Variants in SLC30A6 observed in about 807,000 individuals in gnomAD.
SLC30A6 encodes the protein zinc transporter 6.
SLC30A6 carries 55 observed loss-of-function variants against 63.0 expected under a neutral mutation model. That is an observed-to-expected ratio of 0.87 (90% CI 0.70 to 1.09). The LOEUF is 1.09. Ranked by LOEUF, SLC30A6 falls within the 50% of genes least tolerant of loss-of-function variation. SLC30A6 has a pLI of 0.00. For synonymous variants in SLC30A6, 224 were observed against 186.1 expected (o/e 1.20, Z -1.66); for missense variants, 587 against 549.2 (o/e 1.07, Z -0.69).
chr2:32,178,455 C>T (rs967333946), intron 4 of SLC30A6, among the ~76,000 whole-genome samples: 2 of 152,054 alleles, frequency 1.3e-5, no homozygotes, highest in African/African-American at 4.8e-5. Flanking sequence ...AGGTGGACCA[C>T]CTGAGGTCAA....
chr2:32,210,319 T>G (rs897486670), intron 13 of SLC30A6, among the ~76,000 whole-genome samples: 1 of 152,030 alleles, frequency 6.6e-6, no homozygotes, highest in Non-Finnish European at 1.5e-5. Flanking sequence ...TGAGACCAAC[T>G]TGGCTAACAT....
intron 13 of SLC30A6, among the ~76,000 whole-genome samples, chr2:32,213,180 TACAGG>T (rs1043669142): frequency 2.0e-5 from 3 of 152,110 alleles, no homozygotes; most frequent in Non-Finnish European, 4.4e-5. Flanking sequence ...GTGTTGGGAT[TACAGG>T]CACGAGCCAC....
chr2:32,207,245 T>C (rs1684850939), intron 12 of SLC30A6, among the ~76,000 whole-genome samples: 1 of 152,130 alleles, frequency 6.6e-6, no homozygotes, highest in Admixed American at 6.6e-5. Context: ...ACAGTCTTGC[T>C]CTGTTGCCAG....
At chr2:32,203,447 C>A in intron 10 of SLC30A6, 2 of 1,538,266 alleles carry the variant, frequency 1.3e-6, no homozygotes, top group Non-Finnish European at 1.8e-6. Flanking sequence ...ACCATCAGCT[C>A]AGATACTGAC....
chr2:32,177,483 G>T, intron 4 of SLC30A6: 1 of 248,624 alleles, frequency 4.0e-6, no homozygotes, highest in Non-Finnish European at 8.4e-6. Context: ...TTAGAGACGG[G>T]GTTTCACCAT....
chr2:32,186,415 G>T (rs1357820360), intron 5 of SLC30A6, among the ~76,000 whole-genome samples: 8 of 152,226 alleles, frequency 5.3e-5, no homozygotes, highest in Admixed American at 5.2e-4. Flanking sequence ...GCCTGGTGCG[G>T]TGGCTTACGC....
At chr2:32,201,623 G>A in intron 10 of SLC30A6, 1 of 1,514,574 alleles carries the variant, frequency 6.6e-7, no homozygotes, top group Admixed American at 2.0e-5. Flanking sequence ...TCCTCTGGGG[G>A]TACATTATGG....
intron 10 of SLC30A6, 119 bp from the exon 11 acceptor site, chr2:32,204,471 A>G (rs1391062669): frequency 1.0e-5 from 5 of 484,358 alleles, no homozygotes; most frequent in African/African-American, 5.8e-5. Flanking sequence ...GCCAATTGTG[A>G]TAAAATTGTG....
At chr2:32,179,016 C>T (rs1682049026) in intron 4 of SLC30A6, among the ~76,000 whole-genome samples, 1 of 152,168 alleles carries the variant, frequency 6.6e-6, no homozygotes, top group Non-Finnish European at 1.5e-5. Flanking sequence ...TGTGCCACCA[C>T]ACCTGCCTAA....
chr2:32,194,164 C>T (rs564425779), intron 8 of SLC30A6, among the ~76,000 whole-genome samples, 181 bp downstream of exon 8: 1 of 152,230 alleles, frequency 6.6e-6, no homozygotes, highest in African/African-American at 2.4e-5. Context: ...CTCATTAGTT[C>T]AAGCTTTAAA....
rs1683463824 is a variant in SLC30A6 at position 32,192,923 on chromosome 2, A to G, written c.371A>G (p.Glu124Gly). The change falls in exon 7 of 14, where the codon GAA becomes GGA. Residue 124 changes from glutamate to glycine, a missense_variant. Physicochemically the swap from Glu to Gly is moderately conservative, Grantham distance 98 (BLOSUM62 -2). Coordinates refer to ENST00000282587, the MANE Select transcript of SLC30A6 (RefSeq NM_017964.5). ...GALFILKESA[E>G]RFLEQPEIHT... ...TATATTTTTATTTCTTATAGTGCAG[A>G]ACGCTTTTTGGAACAGCCCGAGATA... 1 of 1,530,368 alleles carries G rather than the reference A, an allele frequency of 6.5e-7. No individual in the cohort carries two copies. 94.8% of individuals were successfully genotyped at this position (1,530,368 alleles called of 1,614,324 possible).
In SLC30A6 at chr2:32,209,231, G is replaced by A. The variant is rs557845288; in HGVS notation, c.817-262G>A. Among the ~76,000 whole-genome samples the A allele has an allele frequency of 1.1e-3, 172 of 152,334 alleles. 2 individuals are homozygous for A. Among genetic ancestry groups the A allele is most frequent in the African/African-American group, 3.0e-3 (125 of 41,578 alleles). Reference sequence around the variant, plus strand: ...TACACTGTTGAAGAAATTGGTTGGGGTAGGGGTTTAAAACTGAGCAGTGGG... The same window carrying A: ...TACACTGTTGAAGAAATTGGTTGGGATAGGGGTTTAAAACTGAGCAGTGGG... On this transcript the variant is annotated intron_variant, in intron 12 of 13. Coordinates refer to ENST00000282587, the MANE Select transcript of SLC30A6 (RefSeq NM_017964.5).
At position 32,197,700 on chromosome 2, in the gene SLC30A6, T is replaced by C. The variant is rs774155803; in HGVS notation, c.546-7T>C. ...AATGGATACTCTTTCTGTTTGTTTT[T>C]TCTTAGCTTGTGTGGAATTATTCCG... On this transcript the variant is annotated splice_region_variant and splice_polypyrimidine_tract_variant and intron_variant, in intron 9 of 13. Transcript: ENST00000282587. 3.1e-6 allele frequency: 5 copies of C among 1,613,902 alleles called. No homozygotes were observed. Among genetic ancestry groups the C allele is most frequent in the Non-Finnish European group, 4.2e-6 (5 of 1,179,984 alleles).
At chr2:32,219,402 T>G (rs1187722641) in intron 13 of SLC30A6, among the ~76,000 whole-genome samples, 2 of 151,762 alleles carry the variant, frequency 1.3e-5, no homozygotes, top group African/African-American at 4.8e-5. Context: ...TCTCTCTCCC[T>G]CCTCCTTCTT....
chr2:32,221,003 T>A lies in SLC30A6; in HGVS notation c.*290T>A. The A allele has an allele frequency of 3.1e-6, 1 of 319,586 alleles. No individual in the cohort carries two copies. The highest frequency in any genetic ancestry group is 3.9e-5 in the South Asian group (1 of 25,470). 19.8% of individuals were successfully genotyped at this position (319,586 alleles called of 1,614,324 possible). On this transcript the variant is annotated 3_prime_UTR_variant, in exon 14 of 14. Coordinates refer to ENST00000282587, the MANE Select transcript of SLC30A6 (RefSeq NM_017964.5). ...AGTTGACTGCAGTGTGATGTGACCT[T>A]ACCTTTATAAGAGCCACTTGATGGA...
intron 5 of SLC30A6, among the ~76,000 whole-genome samples, chr2:32,184,638 A>T (rs1043905946): frequency 1.3e-5 from 2 of 152,034 alleles, no homozygotes; most frequent in Non-Finnish European, 2.9e-5. Flanking sequence ...GGTGGCATGC[A>T]CCTGTAATTC....
At chr2:32,185,629 A>G (rs1235031113) in intron 5 of SLC30A6, among the ~76,000 whole-genome samples, 1 of 152,208 alleles carries the variant, frequency 6.6e-6, no homozygotes, top group Non-Finnish European at 1.5e-5. Context: ...TACTTAAACA[A>G]TGGGAAGAAG....
rs558497773 is a variant in SLC30A6 at position 32,199,628 on chromosome 2, A to G, written c.665+1802A>G. Among the ~76,000 whole-genome samples, 8 of 152,248 alleles carry G rather than the reference A, an allele frequency of 5.3e-5. No individual in the cohort carries two copies. In the East Asian group the frequency reaches 1.5e-3, roughly 29 times the overall value. ...TTGACTGTAGTAACCCTGTTTTGCT[A>G]TCAAATAGTAGATTTTATTTATTCT... is the stretch of plus-strand genomic sequence containing the variant. On this transcript the variant is annotated intron_variant, in intron 10 of 13. Transcript: ENST00000282587.
In SLC30A6 at chr2:32,207,632, C is replaced by T. The variant is rs536670345; in HGVS notation, c.816+699C>T. On this transcript the variant is annotated intron_variant, in intron 12 of 13. Transcript: ENST00000282587. ...CCTTGTGATCCACCCGCCTCGGCCT[C>T]CCAAAGTGCTGGGATTACAGGCATG... Among the ~76,000 whole-genome samples, 4 of 151,630 alleles carry T rather than the reference C, an allele frequency of 2.6e-5. 1 individual carries two copies. The South Asian group carries it at 8.4e-4, about 32-fold the overall frequency.
Sources: allele counts gnomAD v4.1 joint callset (sites outside exome capture counted in the v4.1 genomes callset), GRCh38; gene constraint gnomAD v4.1.1; transcripts MANE v1.5; gene names NCBI Gene and HGNC (gene_info 2026-07-23, HGNC 2026-07-21).